The following CUL7 variants were observed in gnomAD, a reference collection of about 807,000 sequenced individuals.
CUL7 encodes the protein cullin-7.
In CUL7, 96 loss-of-function variants were observed where a neutral mutation model predicts 177.7. The observed-to-expected ratio is 0.54, with a 90% CI of 0.46 to 0.64. The LOEUF is 0.64. CUL7 is among the 30% of genes least tolerant of loss of function. CUL7 has a pLI of 0.00. For missense variants in CUL7, 1,893 were observed against 2,187.9 expected (o/e 0.87, Z 2.69); for synonymous variants, 824 against 890.2 (o/e 0.93, Z 1.32).
At position 43,051,868 on chromosome 6, in the gene CUL7, G is replaced by T. The variant is rs1764439674; in HGVS notation, c.581-105C>A. The T allele has an allele frequency of 7.0e-7, 1 of 1,427,624 alleles. No homozygotes were observed. The highest frequency in any genetic ancestry group is 9.9e-7 in the Non-Finnish European group (1 of 1,013,942). The allele number at this position is 1,427,624 out of a possible 1,614,324, so 88.4% of individuals were successfully genotyped here. On this transcript the variant is annotated intron_variant, in intron 2 of 25. Coordinates refer to ENST00000265348, the MANE Select transcript of CUL7 (RefSeq NM_014780.5). The surrounding 1 kb of genome is among the most constrained non-coding windows in gnomAD (Gnocchi z 5.0). ...CAATCCTTTTGCCACCACACAATGAGAAAGAACTGATTTGCTTCAAAAGCT... is the reference window on the plus strand; with the variant it reads ...CAATCCTTTTGCCACCACACAATGATAAAGAACTGATTTGCTTCAAAAGCT...
In CUL7 at chr6:43,050,553, C is replaced by T. The variant is rs981858838; in HGVS notation, c.1234-155G>A. Reference sequence around the variant, plus strand: ...AAAACAGCAGCATATGGAGAATACACACACACACACACACACACACACACA... The same window carrying T: ...AAAACAGCAGCATATGGAGAATACATACACACACACACACACACACACACA... On this transcript the variant is annotated intron_variant, in intron 4 of 25. Transcript: ENST00000265348. The surrounding 1 kb of genome is among the most constrained non-coding windows in gnomAD (Gnocchi z 4.1). Among the ~76,000 whole-genome samples, 1 of 27,756 alleles carries T rather than the reference C, an allele frequency of 3.6e-5. No individual in the cohort carries two copies. Among genetic ancestry groups the T allele is most frequent in the Non-Finnish European group, 5.8e-5 (1 of 17,208 alleles). 18.2% of individuals were successfully genotyped at this position (27,756 alleles called of 152,430 possible).
At chr6:43,046,697 G>A (rs768970259) in intron 10 of CUL7, 96 bp from the exon 11 acceptor site, 55 of 1,551,624 alleles carry the variant, frequency 3.5e-5, no homozygotes, top group Non-Finnish European at 2.7e-5. Flanking sequence ...TGCAGCAGTG[G>A]GACTTCCTCT....
rs1205102161 is a variant in CUL7 at position 43,051,499 on chromosome 6, C to T, written c.733-31G>A. ...GGATACAACCTTTGGCCTATATCCACCTTGTCCCAGTTTAAGCCCCTCTCT... is the reference window on the plus strand; with the variant it reads ...GGATACAACCTTTGGCCTATATCCATCTTGTCCCAGTTTAAGCCCCTCTCT... On this transcript the variant is annotated intron_variant, in intron 3 of 25. Transcript: ENST00000265348. This position sits in a 1 kb window ranked among gnomAD's most constrained non-coding sequence, Gnocchi z 5.0. The T allele has an allele frequency of 6.2e-7, 1 of 1,614,056 alleles. No homozygotes were observed. The highest frequency in any genetic ancestry group is 1.1e-5 in the South Asian group (1 of 91,006).
In CUL7 at chr6:43,046,519, A is replaced by G. The variant is rs1561885651; in HGVS notation, c.2480T>C (p.Leu827Pro). Residue 827 changes from leucine (L) to proline (P), a missense_variant, in exon 11 of 26, where the codon CTG (leucine) becomes CCG (proline). Leu to Pro is a moderately conservative substitution (Grantham distance 98, BLOSUM62 -3). Transcript: ENST00000265348. ...CGGCAACAGGCACGAACCCTGGCAC[A>G]GGTATCTGAGGAACACATCAAAGAA... ...IPFFDVFLRY[L>P]CQGSSVEVKE... 1.5e-5 allele frequency: 24 copies of G among 1,614,202 alleles called. No individual in the cohort carries two copies. The highest frequency in any genetic ancestry group is 1.8e-5 in the Non-Finnish European group (21 of 1,180,034).
chr6:43,037,750 G>A lies in CUL7; in HGVS notation c.5035C>T (p.Arg1679Cys), dbSNP rs745394794. The A allele has an allele frequency of 1.1e-5, 17 of 1,578,790 alleles. No individual in the cohort carries two copies. The highest frequency in any genetic ancestry group is 1.9e-5 in the Admixed American group (1 of 53,814). ...PPLTFHTLQI[R>C]SRGVPYASCT... ...GAGGCATAGGGCACACCCCGGGAGC[G>A]AATCTGTAGGGTATGGAAGGTGAGG... Residue 1679 changes from arginine (R) to cysteine (C), a missense_variant, in exon 26 of 26, where the codon CGC becomes TGC. Arg to Cys is a radical substitution (Grantham distance 180, BLOSUM62 -3). Transcript: ENST00000265348.
Position 43,043,481 on chromosome 6 carries a change from C to T in CUL7, c.3322G>A (p.Ala1108Thr), listed in dbSNP as rs1763626425. The change falls in exon 17 of 26, where the codon GCA becomes ACA. Residue 1108 changes from alanine (A) to threonine (T), a missense_variant. Coordinates refer to ENST00000265348, the MANE Select transcript of CUL7 (RefSeq NM_014780.5). This position sits in a 1 kb window ranked among gnomAD's most constrained non-coding sequence, Gnocchi z 4.2. ...HLLVHVEPCE[A>T]PPPVVATPRP... ...GGAGTGGCCACCACAGGAGGGGGTG[C>T]CTCACAGGGCTCGACATGCACCAGC... 6.2e-7 allele frequency: 1 copy of T among 1,614,040 alleles called. No homozygotes were observed. Among genetic ancestry groups the T allele is most frequent in the African/African-American group, 1.3e-5 (1 of 75,040 alleles).
At position 43,051,230 on chromosome 6, in the gene CUL7, G is replaced by A; in HGVS notation, c.971C>T (p.Ala324Val). 6.2e-7 allele frequency: 1 copy of A among 1,614,130 alleles called. No individual in the cohort carries two copies. The highest frequency in any genetic ancestry group is 8.5e-7 in the Non-Finnish European group (1 of 1,180,000). Residue 324 changes from alanine to valine, a missense_variant, in exon 4 of 26, where the codon GCA (alanine) becomes GTA (valine). Transcript: ENST00000265348. The surrounding 1 kb of genome is among the most constrained non-coding windows in gnomAD (Gnocchi z 5.0). Reference protein sequence around the residue: ...DQASDRPRSSARSPGSIFQPQ... With the variant: ...DQASDRPRSSVRSPGSIFQPQ... ...CTGGAAGATGGAACCGGGGGACCGTGCTGAGCTCCTTGGTCTGTCTGAGGC... is the reference window on the plus strand; with the variant it reads ...CTGGAAGATGGAACCGGGGGACCGTACTGAGCTCCTTGGTCTGTCTGAGGC...
In CUL7 at chr6:43,038,998, A is replaced by G; in HGVS notation, c.4295-11T>C. ...CAGGGTGGCTCTGACCTGGACCAGG[A>G]AGGGGGAGGGAGACAAAGAGCAGGT... On this transcript the variant is annotated splice_polypyrimidine_tract_variant and intron_variant, in intron 22 of 25. Transcript: ENST00000265348. The G allele has an allele frequency of 2.5e-6, 4 of 1,591,886 alleles. No homozygotes were observed. The highest frequency in any genetic ancestry group is 3.4e-6 in the Non-Finnish European group (4 of 1,159,850).
rs749569833 is a variant in CUL7, at chr6:43,051,368, T to C, written c.833A>G (p.Asn278Ser). ...ACTCAACTCCTCAGGAGCAGAGGTG[T>C]TCTGGGCTCCTGGCTCCGCAGCACT... ...NDSAAEPGAQ[N>S]TSAPEELSGE... Residue 278 changes from asparagine to serine, a missense_variant, in exon 4 of 26, where the codon AAC becomes AGC. Physicochemically the swap from Asn to Ser is conservative, Grantham distance 46 (BLOSUM62 1). This residue lies in a region of CUL7 where 653 missense variants were observed against 725.2 expected (regional missense o/e 0.90). Transcript: ENST00000265348. The surrounding 1 kb of genome is among the most constrained non-coding windows in gnomAD (Gnocchi z 5.0). The C allele has an allele frequency of 1.2e-6, 2 of 1,613,904 alleles. No individual in the cohort carries two copies. The highest frequency in any genetic ancestry group is 1.7e-6 in the Non-Finnish European group (2 of 1,179,862).
chr6:43,047,275 C>G (rs1269875031), intron 9 of CUL7, among the ~76,000 whole-genome samples, 168 bp from the exon 10 acceptor site: 1 of 152,050 alleles, frequency 6.6e-6, no homozygotes, highest in African/African-American at 2.4e-5. Context: ...GACACAAGAG[C>G]CAGGTGGTTA....
At position 43,037,767 on chromosome 6, in the gene CUL7, A is replaced by C; in HGVS notation, c.5018T>G (p.Phe1673Cys). 6.3e-7 allele frequency: 1 copy of C among 1,589,526 alleles called. No homozygotes were observed. Among genetic ancestry groups the C allele is most frequent in the Non-Finnish European group, 8.6e-7 (1 of 1,168,018 alleles). ...GSSGPNPPLT[F>C]HTLQIRSRGV... ...CCGGGAGCGAATCTGTAGGGTATGG[A>C]AGGTGAGGGGTGGGTTGGGGCCTGA... Residue 1673 changes from phenylalanine (F) to cysteine (C), a missense_variant, in exon 26 of 26, where the codon TTC becomes TGC. Physicochemically the swap from Phe to Cys is radical, Grantham distance 205. Around this residue, in one of 5 missense-constraint regions of CUL7, gnomAD observed 248 missense variants for 262.5 expected, o/e 0.94. Transcript: ENST00000265348.
At position 43,038,513 on chromosome 6, in the gene CUL7, G is replaced by A. The variant is rs565875285; in HGVS notation, c.4568-41C>T. The A allele has an allele frequency of 3.4e-5, 55 of 1,613,504 alleles. 1 individual carries two copies. Among genetic ancestry groups the A allele is most frequent in the African/African-American group, 5.3e-5 (4 of 74,920 alleles). ...ATCACTCACTCAGTGGAGAGCCCACGAGGAGCCTGGCCCTGCCTCAGAGCA... is the reference window on the plus strand; with the variant it reads ...ATCACTCACTCAGTGGAGAGCCCACAAGGAGCCTGGCCCTGCCTCAGAGCA... On this transcript the variant is annotated intron_variant, in intron 24 of 25. Coordinates refer to ENST00000265348, the MANE Select transcript of CUL7 (RefSeq NM_014780.5).
rs1354646212 is a variant in CUL7, at chr6:43,037,720, T to C, written c.5065A>G (p.Thr1689Ala). ...RSRGVPYASC[T>A]ATQSFSTFR ...AAGGTAGAGAAGCTCTGGGTGGCAG[T>C]GCAGGAGGCATAGGGCACACCCCGG... The change falls in exon 26 of 26, where the codon ACT (threonine) becomes GCT (alanine). Residue 1689 changes from threonine to alanine, a missense_variant. By Grantham distance (58) the Thr-to-Ala change is moderately conservative. Coordinates refer to ENST00000265348, the MANE Select transcript of CUL7 (RefSeq NM_014780.5). The C allele has an allele frequency of 3.2e-6, 5 of 1,562,556 alleles. No homozygotes were observed. In the Admixed American group the frequency reaches 7.7e-5, roughly 24 times the overall value.
At position 43,043,215 on chromosome 6, in the gene CUL7, G is replaced by C; in HGVS notation, c.3356-35C>G. The stretch of plus-strand genomic sequence containing the variant: ...CCAAGAAAGTGGCAGAGGCAAGGAG[G>C]GTGCAGCCCCTCCACTCCCAAGTCC... On this transcript the variant is annotated intron_variant, in intron 17 of 25. Coordinates refer to ENST00000265348, the MANE Select transcript of CUL7 (RefSeq NM_014780.5). This position sits in a 1 kb window ranked among gnomAD's most constrained non-coding sequence, Gnocchi z 4.2. 6.4e-7 allele frequency: 1 copy of C among 1,556,462 alleles called. No homozygotes were observed. Among genetic ancestry groups the C allele is most frequent in the Non-Finnish European group, 8.8e-7 (1 of 1,130,384 alleles).
At position 43,043,847 on chromosome 6, in the gene CUL7, G is replaced by A. The variant is rs185781960; in HGVS notation, c.3173-217C>T. 6.6e-6 allele frequency among the ~76,000 whole-genome samples: 1 copy of A among 152,106 alleles called. No individual in the cohort carries two copies. Among genetic ancestry groups the A allele is most frequent in the African/African-American group, 2.4e-5 (1 of 41,478 alleles). On this transcript the variant is annotated intron_variant, in intron 16 of 25. Coordinates refer to ENST00000265348, the MANE Select transcript of CUL7 (RefSeq NM_014780.5). The surrounding 1 kb of genome is among the most constrained non-coding windows in gnomAD (Gnocchi z 4.2). ...GTTCAAGACTGGCCTGGTCAACATA[G>A]CAGGACCCCATCTTTAAAAATAAGA...
Position 43,040,091 on chromosome 6 carries a change from C to G in CUL7, c.4294+65G>C, listed in dbSNP as rs1053203814. On this transcript the variant is annotated intron_variant, in intron 22 of 25. Transcript: ENST00000265348. The surrounding 1 kb of genome is among the most constrained non-coding windows in gnomAD (Gnocchi z 4.2). ...TCCCAACATCAGGGTCTGCCCCCAA[C>G]CCCAGGTCCTTTCCTAGCAGCCCAC... is the stretch of plus-strand genomic sequence containing the variant. 6.3e-7 allele frequency: 1 copy of G among 1,598,364 alleles called. No individual in the cohort carries two copies. Among genetic ancestry groups the G allele is most frequent in the African/African-American group, 1.3e-5 (1 of 74,540 alleles).
At chr6:43,046,841 G>T in intron 10 of CUL7, 39 bp downstream of exon 10, 1 of 1,349,832 alleles carries the variant, frequency 7.4e-7, no homozygotes, top group Non-Finnish European at 1.1e-6. Context: ...TTCATATTCT[G>T]ATGCCACTCT....
chr6:43,053,612 C>A lies in CUL7; in HGVS notation c.-9+10G>T. On this transcript the variant is annotated intron_variant, in intron 1 of 25. Coordinates refer to ENST00000265348, the MANE Select transcript of CUL7 (RefSeq NM_014780.5). The surrounding 1 kb of genome is among the most constrained non-coding windows in gnomAD (Gnocchi z 4.1). Reference sequence around the variant, plus strand: ...GGAGAAGCAAGGGGCCGCGGTGGGGCTCTGGCCACCTCAGAAGTCCACCGG... The same window carrying A: ...GGAGAAGCAAGGGGCCGCGGTGGGGATCTGGCCACCTCAGAAGTCCACCGG... 1 of 1,358,658 alleles carries A rather than the reference C, an allele frequency of 7.4e-7. No individual in the cohort carries two copies. Among genetic ancestry groups the A allele is most frequent in the Middle Eastern group, 2.7e-4 (1 of 3,648 alleles). The allele number at this position is 1,358,658 out of a possible 1,614,324, so 84.2% of individuals were successfully genotyped here.
rs757018638 is a variant in CUL7 at position 43,048,442 on chromosome 6, C to T, written c.1953G>A (p.Lys651=). Residue 651 remains lysine (K), a synonymous_variant, in exon 8 of 26, where the codon AAG becomes AAA. Coordinates refer to ENST00000265348, the MANE Select transcript of CUL7 (RefSeq NM_014780.5). ...GCAGCTGCAGCAGGAGTGGCTTGAC[C>T]TTGTTCTCCTGGGTCCCCTCTGAGC... ...ALSSEGTQEN[K]VKPLLLQLQR... is the part of the protein sequence containing the mutation. The T allele has an allele frequency of 1.9e-6, 3 of 1,613,958 alleles. No homozygotes were observed. Among genetic ancestry groups the T allele is most frequent in the East Asian group, 4.5e-5 (2 of 44,892 alleles).
Sources: allele counts gnomAD v4.1 joint callset (sites outside exome capture counted in the v4.1 genomes callset), GRCh38; gene constraint gnomAD v4.1.1; regional missense constraint gnomAD v4.1.1; non-coding constraint Gnocchi (gnomAD v3.1); transcripts MANE v1.5; gene names NCBI Gene and HGNC (gene_info 2026-07-23, HGNC 2026-07-21).